CDYL: variants seen among roughly 807,000 people sequenced by gnomAD.
CDYL encodes the protein chromodomain Y-like protein.
In CDYL, 8 loss-of-function variants were observed where a neutral mutation model predicts 47.3. The observed-to-expected ratio is 0.17, with a 90% CI of 0.10 to 0.31. The LOEUF (loss-of-function observed/expected upper bound fraction) is 0.31, where lower values mean the gene tolerates loss of function less well. CDYL is among the 10% of genes least tolerant of loss of function. The pLI is 1.00. For missense variants in CDYL, 471 were observed against 701.4 expected (o/e 0.67, Z 3.71); for synonymous variants, 266 against 265.0 (o/e 1.00, Z -0.04).
chr6:4,915,009 G>A (rs150618894), intron 2 of CDYL, among the ~76,000 whole-genome samples: 2 of 152,328 alleles, frequency 1.3e-5, no homozygotes, highest in African/African-American at 4.8e-5. Flanking sequence ...CCTGTGGTTT[G>A]CATGTGAGAA....
intron 2 of CDYL, among the ~76,000 whole-genome samples, chr6:4,724,185 C>A (rs1335582353): frequency 6.6e-6 from 1 of 152,040 alleles, no homozygotes; most frequent in African/African-American, 2.4e-5. Context: ...GGACCACAGG[C>A]ATGTGCCATC....
chr6:4,908,374 G>A (rs1279806718), intron 2 of CDYL, among the ~76,000 whole-genome samples: 1 of 152,204 alleles, frequency 6.6e-6, no homozygotes, highest in African/African-American at 2.4e-5. Context: ...AGATGGATAG[G>A]TGGTATGTCC....
intron 1 of CDYL, among the ~76,000 whole-genome samples, chr6:4,851,659 C>T (rs1035954977): frequency 6.6e-6 from 1 of 152,232 alleles, no homozygotes; most frequent in Non-Finnish European, 1.5e-5. Flanking sequence ...TCACTGCATT[C>T]GCAGACGCAT....
chr6:4,777,167 G>T (rs1758489152), intron 1 of CDYL, among the ~76,000 whole-genome samples: 1 of 138,582 alleles, frequency 7.2e-6, no homozygotes, highest in Non-Finnish European at 1.5e-5. Context: ...GGGGGGTGGG[G>T]TGTGGGGGGG....
chr6:4,787,145 T>C (rs1174265775), intron 1 of CDYL, among the ~76,000 whole-genome samples: 2 of 152,234 alleles, frequency 1.3e-5, no homozygotes, highest in African/African-American at 4.8e-5. Context: ...GGATTCTTAG[T>C]CCTCTAACTT....
intron 2 of CDYL, among the ~76,000 whole-genome samples, chr6:4,901,210 T>C (rs1757044027): frequency 6.6e-6 from 1 of 152,164 alleles, no homozygotes. Context: ...ACTATAGTTC[T>C]TGCTCCTTTT....
chr6:4,816,090 G>C (rs73364540), intron 1 of CDYL, among the ~76,000 whole-genome samples: 5,445 of 150,232 alleles, frequency 0.036, 324 homozygotes, highest in African/African-American at 0.13. Flanking sequence ...ATAGTTTATT[G>C]AATTTCATGT....
intron 1 of CDYL, among the ~76,000 whole-genome samples, chr6:4,861,734 TCCAGTTTGTTG>T (rs1761175390): frequency 6.6e-6 from 1 of 152,238 alleles, no homozygotes; most frequent in Admixed American, 6.5e-5. Flanking sequence ...TGTCACATGA[TCCAGTTTGTTG>T]CCATTGCGCA....
At chr6:4,786,663 C>G (rs1758764640) in intron 1 of CDYL, among the ~76,000 whole-genome samples, 1 of 152,152 alleles carries the variant, frequency 6.6e-6, no homozygotes, top group African/African-American at 2.4e-5. Flanking sequence ...ATTCTCTGTA[C>G]TTTAAAAAAG....
chr6:4,916,361 G>A (rs1251691539), intron 2 of CDYL, among the ~76,000 whole-genome samples: 1 of 152,158 alleles, frequency 6.6e-6, no homozygotes, highest in Non-Finnish European at 1.5e-5. Context: ...CATGCCAAAT[G>A]TTTTAAATTT....
chr6:4,872,818 T>G (rs1761512857), intron 1 of CDYL, among the ~76,000 whole-genome samples: 1 of 152,264 alleles, frequency 6.6e-6, no homozygotes, highest in Non-Finnish European at 1.5e-5. Context: ...TTTTAGTACC[T>G]GAACAGTTCA....
At chr6:4,868,286 T>G (rs1271787819) in intron 1 of CDYL, among the ~76,000 whole-genome samples, 3 of 151,996 alleles carry the variant, frequency 2.0e-5, no homozygotes, top group Non-Finnish European at 4.4e-5. Flanking sequence ...TTTCATAAAT[T>G]TTCATGTGTT....
Position 4,954,743 on chromosome 6 carries a change from C to G in CDYL, c.*687C>G, listed in dbSNP as rs2127531953. 6.6e-6 allele frequency: 1 copy of G among 152,394 alleles called. No homozygotes were observed. Among genetic ancestry groups the G allele is most frequent in the East Asian group, 1.9e-4 (1 of 5,182 alleles). The allele number at this position is 152,394 out of a possible 1,614,324, so 9.4% of individuals were successfully genotyped here. On this transcript the variant is annotated 3_prime_UTR_variant, in exon 7 of 7. Transcript: ENST00000397588. ...TTACCCAGTTAACATGAAGAAACCACTGTCTCTAGAAGAAAGCTTGTTTTG... is the reference window on the plus strand; with the variant it reads ...TTACCCAGTTAACATGAAGAAACCAGTGTCTCTAGAAGAAAGCTTGTTTTG...
intron 1 of CDYL, among the ~76,000 whole-genome samples, chr6:4,797,304 A>G (rs1423978429): frequency 6.6e-6 from 1 of 152,190 alleles, no homozygotes; most frequent in Admixed American, 6.5e-5. Context: ...ATACTTCTAA[A>G]AATCACAGGT....
intron 1 of CDYL, among the ~76,000 whole-genome samples, chr6:4,708,328 T>C (rs1273646273): frequency 6.6e-6 from 1 of 152,062 alleles, no homozygotes; most frequent in East Asian, 1.9e-4. Flanking sequence ...CATGCCTAAT[T>C]TTTGTATTTT....
intron 1 of CDYL, among the ~76,000 whole-genome samples, chr6:4,790,316 G>T (rs1016784623): frequency 6.6e-6 from 1 of 152,220 alleles, no homozygotes; most frequent in African/African-American, 2.4e-5. Context: ...ATGTGTAAGT[G>T]ACCTTTTGCA....
chr6:4,736,648 A>G lies in CDYL; in HGVS notation c.186+1804A>G, dbSNP rs143004956. On this transcript the variant is annotated intron_variant, in intron 3 of 8. Transcript: ENST00000328908. The stretch of plus-strand genomic sequence containing the variant: ...TAGGAGTGGAGAGACATGAAAGCCA[A>G]TGCTACTCAGCTTTTTTTTTTTTCT... Among the ~76,000 whole-genome samples, 717 of 150,242 alleles carry G rather than the reference A, an allele frequency of 4.8e-3. 7 individuals carry two copies. The highest frequency in any genetic ancestry group is 0.016 in the South Asian group (77 of 4,740).
Position 4,725,271 on chromosome 6 carries a change from T to C in CDYL, c.103+9390T>C, listed in dbSNP as rs1757486233. ...CAGGAGCCCAGCTGGCTTTACACAGTGGATCCCGCACCGAGGGTGCAGGTG... is the reference window on the plus strand; with the variant it reads ...CAGGAGCCCAGCTGGCTTTACACAGCGGATCCCGCACCGAGGGTGCAGGTG... On this transcript the variant is annotated intron_variant, in intron 2 of 8. Coordinates refer to the CDYL transcript ENST00000328908. 3.3e-5 allele frequency among the ~76,000 whole-genome samples: 5 copies of C among 152,212 alleles called. No homozygotes were observed. The South Asian group carries it at 1.0e-3, about 32-fold the overall frequency.
At chr6:4,860,591 ACATATATAT>A (rs1416754065) in intron 1 of CDYL, among the ~76,000 whole-genome samples, 1 of 145,866 alleles carries the variant, frequency 6.9e-6, no homozygotes, top group Non-Finnish European at 1.5e-5. Context: ...TGTATAATAT[ACATATATAT>A]CATATATATT....
Sources: gnomAD v4.1 joint callset for allele counts (sites outside exome capture counted in the v4.1 genomes callset) on GRCh38, gnomAD v4.1.1 for gene constraint, MANE v1.5 for transcripts, NCBI Gene and HGNC (gene_info 2026-07-23, HGNC 2026-07-21) for gene names.